The following RAB4A variants were observed in gnomAD, a reference collection of about 807,000 sequenced individuals.
RAB4A encodes the protein RAB4A, member RAS oncogene family.
A neutral mutation model predicts 34.5 loss-of-function variants in RAB4A; 20 were observed. That is an observed-to-expected ratio of 0.58 (90% CI 0.41 to 0.84). RAB4A has a LOEUF of 0.84. Among genes scored for constraint, RAB4A ranks in the 40% least tolerant of loss-of-function variants. RAB4A has a pLI of 0.00. For missense variants in RAB4A, 228 were observed against 274.5 expected (o/e 0.83, Z 1.20); for synonymous variants, 102 against 100.0 (o/e 1.02, Z -0.12).
chr1:229,302,291 ATATATATATATATATATAT>A (rs1306748672), intron 6 of RAB4A, among the ~76,000 whole-genome samples: 14 of 23,066 alleles, frequency 6.1e-4, no homozygotes, highest in East Asian at 4.3e-3. Flanking sequence ...ATATATATAT[ATATATATATATATATATAT>A]TTTTTTTTTT....
chr1:229,281,816 TTATATA>T (rs61184911), intron 1 of RAB4A, among the ~76,000 whole-genome samples: 18,871 of 140,184 alleles, frequency 0.13, 1,328 homozygotes, highest in African/African-American at 0.18. Context: ...CTTATCATAG[TTATATA>T]TATATATATA....
At chr1:229,273,944 C>A (rs1656570804) in intron 1 of RAB4A, among the ~76,000 whole-genome samples, 1 of 152,050 alleles carries the variant, frequency 6.6e-6, no homozygotes, top group African/African-American at 2.4e-5. Flanking sequence ...TTTGCCTAAC[C>A]TTTAAACTCC....
At position 229,293,403 on chromosome 1, in the gene RAB4A, C is replaced by T. The variant is rs546514254; in HGVS notation, c.228-2445C>T. ...GTGAGGGCTCCCACGGCCACAGCCC[C>T]GATCCCAAGGCTCTCTAGCCTGCTA... is the stretch of plus-strand genomic sequence containing the variant. On this transcript the variant is annotated intron_variant, in intron 3 of 7. Transcript: ENST00000366690. 3.8e-3 allele frequency among the ~76,000 whole-genome samples: 584 copies of T among 152,364 alleles called. 1 individual carries two copies. Among genetic ancestry groups the T allele is most frequent in the Non-Finnish European group, 6.2e-3 (421 of 68,038 alleles).
chr1:229,299,491 A>AT (rs1289359597), intron 6 of RAB4A, among the ~76,000 whole-genome samples: 1 of 152,196 alleles, frequency 6.6e-6, no homozygotes, highest in Non-Finnish European at 1.5e-5. Flanking sequence ...ATTGTTGCAG[A>AT]TCGGGCATCA....
In RAB4A at chr1:229,275,724, G is replaced by A. The variant is rs576957131; in HGVS notation, c.31+4354G>A. Among the ~76,000 whole-genome samples the A allele has an allele frequency of 9.3e-5, 14 of 150,104 alleles. No homozygotes were observed. In the South Asian group the frequency reaches 1.9e-3, roughly 20 times the overall value. Reference sequence around the variant, plus strand: ...CAACCTCCACCTCCCGGGTTCAAGCGATTCTCCTGCCTCAGCCTCCCAAGT... The same window carrying A: ...CAACCTCCACCTCCCGGGTTCAAGCAATTCTCCTGCCTCAGCCTCCCAAGT... On this transcript the variant is annotated intron_variant, in intron 1 of 7. Transcript: ENST00000366690.
chr1:229,297,369 T>G lies in RAB4A; in HGVS notation c.291-113T>G, dbSNP rs980250033. On this transcript the variant is annotated intron_variant, in intron 4 of 7. Transcript: ENST00000366690. ...CGTTGTCTGAGTTATCTTAAAGGTG[T>G]TGGTGCCATTACCCTGAAATGTTGA... 5 of 1,049,694 alleles carry G rather than the reference T, an allele frequency of 4.8e-6. No individual in the cohort carries two copies. In the African/African-American group the frequency reaches 8.1e-5, roughly 17 times the overall value. 65.0% of individuals were successfully genotyped at this position (1,049,694 alleles called of 1,614,324 possible).
In RAB4A at chr1:229,297,627, C is replaced by T. The variant is rs776718032; in HGVS notation, c.436C>T (p.Gln146Ter). ...CTTCTTAGAAGCCTCCAGATTTGCT[C>T]AAGAAAATGGCAAGTGACCTTTTAC... is the stretch of plus-strand genomic sequence containing the variant. Reference protein sequence around the residue: ...VTFLEASRFAQENELMFLETS... With the variant: ...VTFLEASRFA The change falls in exon 5 of 8, where the codon CAA becomes TAA. Residue 146 changes from glutamine (Q) to a stop codon, truncating the protein, a stop_gained. Transcript: ENST00000366690. LOFTEE classifies it high-confidence loss of function. 2 of 1,583,898 alleles carry T rather than the reference C, an allele frequency of 1.3e-6. No homozygotes were observed. The highest frequency in any genetic ancestry group is 2.3e-5 in the East Asian group (1 of 44,280).
chr1:229,271,921 A>C (rs545701824), intron 1 of RAB4A, among the ~76,000 whole-genome samples: 1 of 152,030 alleles, frequency 6.6e-6, no homozygotes, highest in South Asian at 2.1e-4. Flanking sequence ...CCTCCCTCTC[A>C]GTGTTTTTTA....
At chr1:229,300,394 G>T (rs1222341278) in intron 6 of RAB4A, among the ~76,000 whole-genome samples, 1 of 152,250 alleles carries the variant, frequency 6.6e-6, no homozygotes, top group Non-Finnish European at 1.5e-5. Flanking sequence ...AGTAATCCTA[G>T]TAAGAGATGA....
intron 1 of RAB4A, among the ~76,000 whole-genome samples, chr1:229,284,528 G>A (rs970411603): frequency 6.6e-6 from 1 of 152,124 alleles, no homozygotes; most frequent in Non-Finnish European, 1.5e-5. Flanking sequence ...AACAATGATG[G>A]GTTGTTGTTG....
intron 6 of RAB4A, 57 bp downstream of exon 6, chr1:229,299,129 T>G: frequency 8.5e-7 from 1 of 1,173,834 alleles, no homozygotes; most frequent in Non-Finnish European, 1.2e-6. Context: ...TGTAGCTCAG[T>G]AGATCACCTT....
intron 5 of RAB4A, among the ~76,000 whole-genome samples, chr1:229,298,700 T>C (rs953650289): frequency 2.0e-5 from 3 of 152,236 alleles, no homozygotes; most frequent in African/African-American, 7.2e-5. Context: ...TGATGGGCTG[T>C]CATTTGGCTG....
rs374227166 is a variant in RAB4A at position 229,302,853 on chromosome 1, G to C, written c.542-9G>C. 1 of 1,582,806 alleles carries C rather than the reference G, an allele frequency of 6.3e-7. No homozygotes were observed. Among genetic ancestry groups the C allele is most frequent in the Non-Finnish European group, 8.6e-7 (1 of 1,161,428 alleles). Reference sequence around the variant, plus strand: ...GCCTTTTTTAAAAGAAGACTTGCTTGGTCCTTAGGTGAGCTGGACCCAGAA... The same window carrying C: ...GCCTTTTTTAAAAGAAGACTTGCTTCGTCCTTAGGTGAGCTGGACCCAGAA... On this transcript the variant is annotated splice_polypyrimidine_tract_variant and intron_variant, in intron 6 of 7. Coordinates refer to ENST00000366690, the MANE Select transcript of RAB4A (RefSeq NM_004578.4).
At chr1:229,272,605 G>A (rs1656522333) in intron 1 of RAB4A, among the ~76,000 whole-genome samples, 1 of 152,182 alleles carries the variant, frequency 6.6e-6, no homozygotes, top group African/African-American at 2.4e-5. Flanking sequence ...TGTCAGGGAG[G>A]CATTAACCAG....
intron 1 of RAB4A, among the ~76,000 whole-genome samples, chr1:229,275,961 A>G (rs753925150): frequency 1.3e-5 from 2 of 151,146 alleles, no homozygotes; most frequent in Non-Finnish European, 2.9e-5. Context: ...GTTCCAATAA[A>G]GTATGAAATA....
At chr1:229,286,654 CAGAG>C in intron 2 of RAB4A, 88 bp downstream of exon 2, 2 of 789,130 alleles carry the variant, frequency 2.5e-6, no homozygotes, top group Non-Finnish European at 3.9e-6. Flanking sequence ...TTAATTTTTT[CAGAG>C]GAAAAAAGTA....
chr1:229,281,927 A>G (rs897533498), intron 1 of RAB4A, among the ~76,000 whole-genome samples: 5 of 151,378 alleles, frequency 3.3e-5, no homozygotes, highest in Non-Finnish European at 7.4e-5. Flanking sequence ...TTAGAATCAT[A>G]TAGATAATAC....
At chr1:229,298,839 T>A in intron 5 of RAB4A, 138 bp from the exon 6 acceptor site, 1 of 651,744 alleles carries the variant, frequency 1.5e-6, no homozygotes, top group Non-Finnish European at 2.7e-6. Flanking sequence ...ATTGATTTTA[T>A]ATTTACAGAA....
At chr1:229,295,959 C>A in intron 4 of RAB4A, 49 bp downstream of exon 4, 1 of 1,595,874 alleles carries the variant, frequency 6.3e-7, no homozygotes, top group Non-Finnish European at 8.6e-7. Context: ...GCCCTGCAGC[C>A]CAAAGGCTGG....
Sources: gnomAD v4.1 joint callset for allele counts (sites outside exome capture counted in the v4.1 genomes callset) on GRCh38, gnomAD v4.1.1 for gene constraint, MANE v1.5 for transcripts, NCBI Gene and HGNC (gene_info 2026-07-23, HGNC 2026-07-21) for gene names.